Variants in MCUR1 observed in about 807,000 individuals in gnomAD.
MCUR1 encodes MCU regulator 1.
MCUR1 carries 37 observed loss-of-function variants against 42.0 expected under a neutral mutation model. The observed-to-expected ratio is 0.88, with a 90% CI of 0.68 to 1.16. The LOEUF (loss-of-function observed/expected upper bound fraction) is 1.16, where lower values mean the gene tolerates loss of function less well. Ranked by LOEUF, MCUR1 falls within the 50% of genes most tolerant of loss-of-function variation. The pLI is 0.00. For synonymous variants in MCUR1, 229 were observed against 196.2 expected (o/e 1.17, Z -1.40); for missense variants, 469 against 468.4 (o/e 1.00, Z -0.01).
At chr6:13,809,594 T>A (rs6901643) in intron 1 of MCUR1, among the ~76,000 whole-genome samples, 17,376 of 151,898 alleles carry the variant, frequency 0.11, 1,639 homozygotes, top group African/African-American at 0.26. Context: ...ACTGCTAAAA[T>A]CTTTTTTTTT....
chr6:13,791,909 T>C lies in MCUR1; in HGVS notation c.993A>G (p.Ser331=). Residue 331 remains serine, a synonymous_variant, in exon 8 of 9, where the codon TCA becomes TCG. Coordinates refer to ENST00000379170, the MANE Select transcript of MCUR1 (RefSeq NM_001031713.4). The part of the protein sequence containing the change: ...EVAGLKTMLE[S]HKLDNIKYLA... ...AATATTTAATATTATCAAGCTTGTGTGACTCAAGCATGGTTTTGAGGCCAG... is the reference window on the plus strand; with the variant it reads ...AATATTTAATATTATCAAGCTTGTGCGACTCAAGCATGGTTTTGAGGCCAG... 6.2e-7 allele frequency: 1 copy of C among 1,613,958 alleles called. No homozygotes were observed. Among genetic ancestry groups the C allele is most frequent in the South Asian group, 1.1e-5 (1 of 91,048 alleles).
chr6:13,811,636 C>T (rs2113482617), intron 1 of MCUR1, among the ~76,000 whole-genome samples: 1 of 152,256 alleles, frequency 6.6e-6, no homozygotes, highest in Non-Finnish European at 1.5e-5. Context: ...GACCACCTCA[C>T]CTGCCCCAGA....
chr6:13,812,282 A>C (rs947318927), intron 1 of MCUR1, among the ~76,000 whole-genome samples: 1 of 152,038 alleles, frequency 6.6e-6, no homozygotes, highest in Non-Finnish European at 1.5e-5. Context: ...CAAGCAAACA[A>C]ATGGTTGGGA....
At chr6:13,813,042 G>A (rs73360457) in intron 1 of MCUR1, among the ~76,000 whole-genome samples, 1,885 of 152,270 alleles carry the variant, frequency 0.012, 36 homozygotes, top group African/African-American at 0.044. Context: ...TCTACATTTA[G>A]ATGCGCAAAT....
In MCUR1 at chr6:13,802,360, C is replaced by T. The variant is rs1229091324; in HGVS notation, c.536-14G>A. ...GAGTAGCAAACCCTAAGCAAGCACACAAGCAAAAAAAATCATGCTCAGAGT... is the reference window on the plus strand; with the variant it reads ...GAGTAGCAAACCCTAAGCAAGCACATAAGCAAAAAAAATCATGCTCAGAGT... On this transcript the variant is annotated splice_polypyrimidine_tract_variant and intron_variant, in intron 2 of 8. Transcript: ENST00000379170. 1 of 1,601,288 alleles carries T rather than the reference C, an allele frequency of 6.2e-7. No homozygotes were observed. The highest frequency in any genetic ancestry group is 1.3e-5 in the African/African-American group (1 of 74,274).
intron 4 of MCUR1, among the ~76,000 whole-genome samples, 194 bp from the exon 5 acceptor site, chr6:13,800,576 T>C (rs1363089249): frequency 6.6e-6 from 1 of 152,238 alleles, no homozygotes; most frequent in Non-Finnish European, 1.5e-5. Flanking sequence ...CTATGTAAAG[T>C]TAACTCAGTT....
Position 13,814,334 on chromosome 6 carries a change from G to A in MCUR1, c.96C>T (p.Gly32=), listed in dbSNP as rs1584993501. ...FLPVGLSGRP[G]GSETSARRCL... is the part of the protein sequence containing the mutation. ...AGCGGCGTGCTGAGGTTTCGCTGCC[G>A]CCCGGTCTTCCGCTGAGGCCCACGG... Residue 32 remains glycine (G), a synonymous_variant, in exon 1 of 9, where the codon GGC becomes GGT. Coordinates refer to ENST00000379170, the MANE Select transcript of MCUR1 (RefSeq NM_001031713.4). 2.0e-6 allele frequency: 3 copies of A among 1,509,828 alleles called. No individual in the cohort carries two copies. The highest frequency in any genetic ancestry group is 2.7e-5 in the East Asian group (1 of 37,194). The allele number at this position is 1,509,828 out of a possible 1,614,324, so 93.5% of individuals were successfully genotyped here. A position where few individuals can be genotyped will look rare whatever the true frequency, so the allele number is the denominator to read the frequency against.
intron 5 of MCUR1, 92 bp downstream of exon 5, chr6:13,800,245 GAATT>G (rs1759961158): frequency 7.3e-6 from 6 of 817,408 alleles, no homozygotes; most frequent in Non-Finnish European, 1.2e-5. Context: ...ATTTCACAAA[GAATT>G]AAGTTTTTAA....
chr6:13,788,573 G>A lies in MCUR1; in HGVS notation c.*2236C>T, dbSNP rs1010103879. 2 of 152,166 alleles carry A rather than the reference G, an allele frequency of 1.3e-5. No individual in the cohort carries two copies. Among genetic ancestry groups the A allele is most frequent in the Non-Finnish European group, 2.9e-5 (2 of 68,038 alleles). 9.4% of individuals were successfully genotyped at this position (152,166 alleles called of 1,614,324 possible). On this transcript the variant is annotated 3_prime_UTR_variant, in exon 9 of 9. Coordinates refer to ENST00000379170, the MANE Select transcript of MCUR1 (RefSeq NM_001031713.4). ...TATCAGGATACAAGGACACTTCACT[G>A]TTTTTAACCCACACAAGGTTAGGTA... is the stretch of plus-strand genomic sequence containing the variant.
chr6:13,799,331 C>T (rs9349797), intron 5 of MCUR1, among the ~76,000 whole-genome samples: 19,275 of 152,130 alleles, frequency 0.13, 1,710 homozygotes, highest in East Asian at 0.3. Context: ...ATTATAGGTG[C>T]ATGCCACCAC....
rs1383086418 is a variant in MCUR1, at chr6:13,790,833, C to T, written c.1056G>A (p.Leu352=). ...ATTAGATCCACAGGCGATAAAATCC[C>T]AGAGCTACTGTTAGGCACGTAAATA... is the stretch of plus-strand genomic sequence containing the variant. ...GSIFTCLTVA[L]GFYRLWI The change falls in exon 9 of 9, where the codon CTG becomes CTA. Residue 352 remains leucine, a synonymous_variant. Transcript: ENST00000379170. 2.5e-6 allele frequency: 4 copies of T among 1,611,592 alleles called. No homozygotes were observed. Among genetic ancestry groups the T allele is most frequent in the Non-Finnish European group, 3.4e-6 (4 of 1,178,376 alleles).
chr6:13,794,294 T>A (rs968138498), intron 6 of MCUR1, among the ~76,000 whole-genome samples: 9 of 152,130 alleles, frequency 5.9e-5, no homozygotes, highest in African/African-American at 1.9e-4. Context: ...AATATCTGGA[T>A]TTCCTTAGTC....
chr6:13,813,382 T>C (rs989261012), intron 1 of MCUR1, among the ~76,000 whole-genome samples: 5 of 152,142 alleles, frequency 3.3e-5, no homozygotes, highest in African/African-American at 9.7e-5. Flanking sequence ...AGGCATCGAA[T>C]TACGAATATA....
rs1337960466 is a variant in MCUR1, at chr6:13,800,328, A to G, written c.783+13T>C. 1 of 1,553,102 alleles carries G rather than the reference A, an allele frequency of 6.4e-7. No individual in the cohort carries two copies. ...ATTACAAACCAGCCAACAAACAGGA[A>G]AGTGAATCTTACCATTACTTGTTGT... On this transcript the variant is annotated intron_variant, in intron 5 of 8. Transcript: ENST00000379170.
At position 13,790,825 on chromosome 6, in the gene MCUR1, T is replaced by TA; in HGVS notation, c.1063dup (p.Tyr355LeufsTer20). ...GACACTTTATTAGATCCACAGGCGA[T>TA]AAAATCCCAGAGCTACTGTTAGGCA... On this transcript the variant is annotated frameshift_variant, in exon 9 of 9. Coordinates refer to ENST00000379170, the MANE Select transcript of MCUR1 (RefSeq NM_001031713.4). LOFTEE classifies it high-confidence loss of function. The TA allele has an allele frequency of 6.2e-7, 1 of 1,612,032 alleles. No homozygotes were observed. The highest frequency in any genetic ancestry group is 8.5e-7 in the Non-Finnish European group (1 of 1,178,548).
chr6:13,793,267 A>G (rs562350793), intron 7 of MCUR1, among the ~76,000 whole-genome samples: 23 of 152,196 alleles, frequency 1.5e-4, no homozygotes, highest in Non-Finnish European at 2.8e-4. Flanking sequence ...CCACTTCTGC[A>G]TATATACCCA....
At chr6:13,807,126 C>T (rs545308869) in intron 1 of MCUR1, 82 bp from the exon 2 acceptor site, 1 of 1,440,178 alleles carries the variant, frequency 6.9e-7, no homozygotes. Context: ...ATAAGGCATA[C>T]CCCAAAGCCT....
In MCUR1 at chr6:13,799,776, T is replaced by G. The variant is rs531919434; in HGVS notation, c.783+565A>C. Reference sequence around the variant, plus strand: ...TAAGGGTTCCTTCCGTGCAGCACTTTAGAAAAACTTTTACTTAAAAATGAC... The same window carrying G: ...TAAGGGTTCCTTCCGTGCAGCACTTGAGAAAAACTTTTACTTAAAAATGAC... On this transcript the variant is annotated intron_variant, in intron 5 of 8. Transcript: ENST00000379170. Among the ~76,000 whole-genome samples, 5 of 151,988 alleles carry G rather than the reference T, an allele frequency of 3.3e-5. No individual in the cohort carries two copies. In the South Asian group the frequency reaches 1.0e-3, roughly 32 times the overall value.
intron 5 of MCUR1, 37 bp from the exon 6 acceptor site, chr6:13,798,941 A>G (rs1250520448): frequency 7.7e-7 from 1 of 1,301,526 alleles, no homozygotes; most frequent in Admixed American, 1.7e-5. Context: ...GGAAAAATCC[A>G]AAGTAAGAAA....
Sources: allele counts gnomAD v4.1 joint callset (sites outside exome capture counted in the v4.1 genomes callset), GRCh38; gene constraint gnomAD v4.1.1; transcripts MANE v1.5; gene names NCBI Gene and HGNC (gene_info 2026-07-23, HGNC 2026-07-21).